The following NHSL3 variants were observed in gnomAD, a reference collection of about 807,000 sequenced individuals.
NHSL3 encodes NHS like 3, also known as NHS-like protein 3.
chr1:32,755,762 C>A, the NHSL3 span, among the ~76,000 whole-genome samples: 4 of 152,284 alleles, frequency 2.6e-5, 1 homozygote, highest in Admixed American at 2.6e-4. Flanking sequence ...TTGAGGATTT[C>A]TCAGAAGGTA....
At chr1:32,754,700 C>G in the NHSL3 span, among the ~76,000 whole-genome samples, 2 of 152,114 alleles carry the variant, frequency 1.3e-5, no homozygotes, top group African/African-American at 4.8e-5. Context: ...TCACAGCAGA[C>G]CCTAAGGCAC....
At chr1:32,769,813 G>A in the NHSL3 span, 747 of 1,610,856 alleles carry the variant, frequency 4.6e-4, 6 homozygotes, top group African/African-American at 9.2e-3. Context: ...GAGGGCAGTG[G>A]TGGGGTGGGT....
At chr1:32,766,859 G>C in the NHSL3 span, among the ~76,000 whole-genome samples, 1 of 152,178 alleles carries the variant, frequency 6.6e-6, no homozygotes, top group African/African-American at 2.4e-5. Context: ...GCTTGTAACA[G>C]GATCCTTTGT....
At chr1:32,771,852 C>G in the NHSL3 span, 3 of 1,601,626 alleles carry the variant, frequency 1.9e-6, no homozygotes, top group East Asian at 6.7e-5. Flanking sequence ...GGCTGCGCTC[C>G]GTGGGTGCTC....
At chr1:32,760,693 C>A in the NHSL3 span, among the ~76,000 whole-genome samples, 27 of 151,512 alleles carry the variant, frequency 1.8e-4, no homozygotes, top group African/African-American at 6.1e-4. Flanking sequence ...TGGGTTCAAG[C>A]GATTCTCCTG....
the NHSL3 span, among the ~76,000 whole-genome samples, chr1:32,746,602 A>C: frequency 1.3e-5 from 2 of 152,190 alleles, no homozygotes; most frequent in Admixed American, 1.3e-4. Flanking sequence ...AAGTAGCCCG[A>C]GGTCACTCAG....
At chr1:32,756,657 CAAAAAAAAAA>C in the NHSL3 span, among the ~76,000 whole-genome samples, 1 of 49,958 alleles carries the variant, frequency 2.0e-5, no homozygotes. Context: ...ACCCTGTCTC[CAAAAAAAAAA>C]AAAAAAAAAA....
At chr1:32,768,770 G>A in the NHSL3 span, 27 of 1,613,522 alleles carry the variant, frequency 1.7e-5, no homozygotes, top group Admixed American at 6.7e-5. Flanking sequence ...ATGATCCAGC[G>A]CAAAGGTGGA....
the NHSL3 span, chr1:32,770,792 C>T: frequency 3.8e-6 from 6 of 1,590,976 alleles, no homozygotes; most frequent in Admixed American, 3.4e-5. The surrounding 1 kb of genome is among the most constrained non-coding windows in gnomAD (Gnocchi z 8.3). Context: ...CGGCCACCCA[C>T]CACTGGTGGC....
the NHSL3 span, among the ~76,000 whole-genome samples, chr1:32,752,826 G>A: frequency 1.7e-3 from 247 of 149,324 alleles, 2 homozygotes; most frequent in African/African-American, 5.9e-3. Context: ...TGATCTGCCC[G>A]CCTTGGCCTC....
the NHSL3 span, chr1:32,770,815 G>C: frequency 2.1e-5 from 33 of 1,600,556 alleles, no homozygotes; most frequent in Non-Finnish European, 2.6e-5. The surrounding 1 kb of genome is among the most constrained non-coding windows in gnomAD (Gnocchi z 8.3). Flanking sequence ...AGAAGGGGCG[G>C]GGGCAGCACC....
chr1:32,772,308 A>G, the NHSL3 span: 1 of 1,500,760 alleles, frequency 6.7e-7, no homozygotes, highest in Non-Finnish European at 9.1e-7. Context: ...GTTACCCTCG[A>G]GCTGAGCCCC....
At chr1:32,770,751 G>A in the NHSL3 span, 36 of 1,571,144 alleles carry the variant, frequency 2.3e-5, no homozygotes, top group Admixed American at 3.2e-4. This position sits in a 1 kb window ranked among gnomAD's most constrained non-coding sequence, Gnocchi z 8.3. Flanking sequence ...TGCCCCCTAA[G>A]CCTGAGCGTA....
chr1:32,772,224 A>G, the NHSL3 span: 3 of 1,608,802 alleles, frequency 1.9e-6, no homozygotes, highest in East Asian at 6.7e-5. Context: ...CCCAGGCCCC[A>G]AAGAAGTCAC....
chr1:32,760,053 T>C, the NHSL3 span, among the ~76,000 whole-genome samples: 2 of 152,220 alleles, frequency 1.3e-5, no homozygotes, highest in Admixed American at 6.5e-5. Flanking sequence ...GCTTCTAGAA[T>C]GTGTAATGGT....
chr1:32,746,911 G>A, the NHSL3 span, among the ~76,000 whole-genome samples: 3 of 152,134 alleles, frequency 2.0e-5, no homozygotes, highest in African/African-American at 7.2e-5. Context: ...TGTGCAGTGG[G>A]CAGCGGCTGA....
At chr1:32,750,530 A>G in the NHSL3 span, among the ~76,000 whole-genome samples, 1 of 152,066 alleles carries the variant, frequency 6.6e-6, no homozygotes, top group African/African-American at 2.4e-5. Flanking sequence ...TTTTTGAGAC[A>G]GAGTTTCGCT....
the NHSL3 span, among the ~76,000 whole-genome samples, chr1:32,765,201 CTGTGTCCTGGG>C: frequency 6.6e-6 from 1 of 152,256 alleles, no homozygotes; most frequent in African/African-American, 2.4e-5. Flanking sequence ...CTTCCCAGGA[CTGTGTCCTGGG>C]ACTGGCCCCT....
the NHSL3 span, among the ~76,000 whole-genome samples, chr1:32,767,308 G>A: frequency 6.6e-6 from 1 of 152,166 alleles, no homozygotes; most frequent in African/African-American, 2.4e-5. Flanking sequence ...TCTGAGTGAC[G>A]TGTGAGTACA....
Sources: gnomAD v4.1 joint callset for allele counts (sites outside exome capture counted in the v4.1 genomes callset) on GRCh38, gnomAD v4.1.1 for gene constraint, Gnocchi (gnomAD v3.1) non-coding constraint, MANE v1.5 for transcripts, NCBI Gene and HGNC (gene_info 2026-07-23, HGNC 2026-07-21) for gene names.